Variants in PURG observed in about 807,000 individuals in gnomAD.
PURG encodes purine rich element binding protein G.
Under a neutral mutation model 24.3 loss-of-function variants are expected in PURG, and 3 were observed. That is an observed-to-expected ratio of 0.12 (90% CI 0.06 to 0.32). PURG has a LOEUF of 0.32. Ranked by LOEUF, PURG falls within the 10% of genes least tolerant of loss-of-function variation. The pLI is 1.00. For synonymous variants in PURG, 180 were observed against 173.1 expected, an observed-to-expected ratio of 1.04 and a Z score of -0.31; for missense variants, 371 against 439.1, an observed-to-expected ratio of 0.84 and a Z score of 1.39.
intron 1 of PURG, among the ~76,000 whole-genome samples, chr8:31,008,223 A>G (rs111669758): frequency 0.018 from 2,691 of 152,290 alleles, 81 homozygotes; most frequent in African/African-American, 0.06. Flanking sequence ...AAGAATTAAT[A>G]ATGATGTTAA....
chr8:31,012,973 A>T lies in PURG; in HGVS notation c.865-16276T>A, dbSNP rs187257370. Among the ~76,000 whole-genome samples, 590 of 152,350 alleles carry T rather than the reference A, an allele frequency of 3.9e-3. 3 individuals are homozygous for T. Among genetic ancestry groups the T allele is most frequent in the Middle Eastern group, 0.017 (5 of 294 alleles). On this transcript the variant is annotated intron_variant, in intron 1 of 1. Coordinates refer to the PURG transcript ENST00000339382. ...TTATAGTTATTTTGTGACAAATTTAATAAGTAATCATTTAGAATTGAGTTA... is the reference window on the plus strand; with the variant it reads ...TTATAGTTATTTTGTGACAAATTTATTAAGTAATCATTTAGAATTGAGTTA...
downstream of PURG, among the ~76,000 whole-genome samples, chr8:31,026,426 G>T (rs1412556598): frequency 6.6e-6 from 1 of 151,310 alleles, no homozygotes; most frequent in Non-Finnish European, 1.5e-5. Context: ...ACATATATTT[G>T]CACTTTAAGT....
intron 1 of PURG, among the ~76,000 whole-genome samples, chr8:31,013,166 T>A (rs1810795258): frequency 6.6e-6 from 1 of 152,190 alleles, no homozygotes; most frequent in African/African-American, 2.4e-5. Context: ...GGTATGTCAT[T>A]AAATATAATA....
chr8:31,022,104 G>A (rs559899455), intron 1 of PURG, among the ~76,000 whole-genome samples: 1 of 151,956 alleles, frequency 6.6e-6, no homozygotes, highest in South Asian at 2.1e-4. Context: ...CTGACTAGCT[G>A]GGATTACAGG....
chr8:31,009,852 T>A (rs1810731713), intron 1 of PURG, among the ~76,000 whole-genome samples: 1 of 152,162 alleles, frequency 6.6e-6, no homozygotes, highest in Middle Eastern at 3.2e-3. Flanking sequence ...GCTTCTAACT[T>A]ATCATGTGGT....
At chr8:31,030,760 T>C (rs1376305755), downstream of PURG, 1 of 151,928 alleles carries the variant, frequency 6.6e-6, no homozygotes, top group Non-Finnish European at 1.5e-5. Context: ...GCTACTAAAA[T>C]ATATTATTAC....
intron 1 of PURG, among the ~76,000 whole-genome samples, chr8:31,010,546 T>C (rs1334081421): frequency 2.0e-5 from 3 of 152,348 alleles, no homozygotes; most frequent in East Asian, 3.9e-4. Flanking sequence ...GCTATAAACA[T>C]ATATGCTTAA....
rs11574151 is a variant in PURG at position 31,032,061 on chromosome 8, T to G, written c.722A>C (p.Glu241Ala). Residue 241 changes from glutamate (E) to alanine (A), a missense_variant, in exon 2 of 2, where the codon GAA becomes GCA. This residue lies in a region of PURG where 5 missense variants were observed against 24.1 expected (regional missense o/e 0.21). Transcript: ENST00000523392. The surrounding 1 kb of genome is among the most constrained non-coding windows in gnomAD (Gnocchi z 5.9). ...EFRDALVQLI[E>A]DYGEGDIEER... The stretch of plus-strand genomic sequence containing the variant: ...TTCTATGTCTCCTTCGCCATAGTCT[T>G]CAATCAGCTGAACCAAGGCATCACG... 2.3e-3 allele frequency: 3,717 copies of G among 1,614,194 alleles called. 126 individuals carry two copies. The Admixed American group carries it at 0.053, about 23-fold the overall frequency.
At chr8:31,027,651 T>C (rs1245403161), downstream of PURG, among the ~76,000 whole-genome samples, 1 of 151,696 alleles carries the variant, frequency 6.6e-6, no homozygotes, top group Non-Finnish European at 1.5e-5. Flanking sequence ...CATGATTATA[T>C]TAAGGTAGGA....
chr8:31,031,221 A>G lies in PURG; in HGVS notation c.*518T>C, dbSNP rs562716817. 26 of 154,026 alleles carry G rather than the reference A, an allele frequency of 1.7e-4. No homozygotes were observed. The highest frequency in any genetic ancestry group is 6.8e-3 in the Middle Eastern group (2 of 294). 9.5% of individuals were successfully genotyped at this position (154,026 alleles called of 1,614,324 possible). A position where few individuals can be genotyped will look rare whatever the true frequency, so the allele number is the denominator to read the frequency against. On this transcript the variant is annotated 3_prime_UTR_variant, in exon 2 of 2. Coordinates refer to ENST00000523392, the MANE Select transcript of PURG (RefSeq NM_001323311.2). ...ATAAGATTTGATCCTTTGATGGTAT[A>G]TTCAGTTATTCAACGGACAATATAC...
chr8:30,999,405 T>G (rs74483914), intron 1 of PURG, among the ~76,000 whole-genome samples: 4,247 of 152,002 alleles, frequency 0.028, 105 homozygotes, highest in East Asian at 0.067. Context: ...TTTTAAATGG[T>G]TCTTAAATTA....
intron 1 of PURG, among the ~76,000 whole-genome samples, chr8:31,000,844 C>T (rs1194143285): frequency 6.6e-6 from 1 of 152,056 alleles, no homozygotes; most frequent in African/African-American, 2.4e-5. Context: ...AGAGAATTAA[C>T]AAACTTTAAA....
chr8:30,996,338 G>A (rs934116875), exon 2 of PURG: 1 of 281,082 alleles, frequency 3.6e-6, no homozygotes, highest in East Asian at 6.3e-5. Context: ...GCTGACAAAT[G>A]GTGGTTTGAA....
downstream of PURG, among the ~76,000 whole-genome samples, chr8:31,026,528 T>C (rs537862692): frequency 2.7e-4 from 41 of 150,938 alleles, no homozygotes; most frequent in African/African-American, 9.9e-4. Context: ...CTAGCTCAAG[T>C]ATGATATCTA....
Position 31,019,120 on chromosome 8 carries a change from T to A in PURG, c.864+12799A>T, listed in dbSNP as rs1474806706. Among the ~76,000 whole-genome samples the A allele has an allele frequency of 8.3e-5, 4 of 48,390 alleles. No individual in the cohort carries two copies. The East Asian group carries it at 2.0e-3, about 24-fold the overall frequency. The allele number at this position is 48,390 out of a possible 152,430, so 31.7% of individuals were successfully genotyped here. A position where few individuals can be genotyped will look rare whatever the true frequency, so the allele number is the denominator to read the frequency against. ...GCCTGGGTGACAGAGCGAGACTCTG[T>A]CTCAAAAAAAAAAAAAAAAAAAAAA... is the stretch of plus-strand genomic sequence containing the variant. On this transcript the variant is annotated intron_variant, in intron 1 of 1. Transcript: ENST00000339382.
At position 31,014,414 on chromosome 8, in the gene PURG, T is replaced by C. The variant is rs139227105; in HGVS notation, c.864+17505A>G. Among the ~76,000 whole-genome samples the C allele has an allele frequency of 3.3e-3, 505 of 152,312 alleles. 1 individual carries two copies. Among genetic ancestry groups the C allele is most frequent in the Middle Eastern group, 0.014 (4 of 294 alleles). ...TTTTATTGATTTCTTAAAAAAATTT[T>C]AATAACAGAGGAAGAGAAATGTTTC... On this transcript the variant is annotated intron_variant, in intron 1 of 1. Transcript: ENST00000339382.
At chr8:31,000,168 A>T (rs1810510378) in intron 1 of PURG, among the ~76,000 whole-genome samples, 1 of 152,134 alleles carries the variant, frequency 6.6e-6, no homozygotes, top group Admixed American at 6.6e-5. Context: ...ATGGGTTATT[A>T]ATTTTCATGC....
At chr8:31,022,265 C>T (rs1488244540) in intron 1 of PURG, among the ~76,000 whole-genome samples, 1 of 152,170 alleles carries the variant, frequency 6.6e-6, no homozygotes, top group Non-Finnish European at 1.5e-5. Flanking sequence ...GCCACCACAC[C>T]CAGCCTAAAT....
intron 1 of PURG, among the ~76,000 whole-genome samples, chr8:31,020,077 TG>T (rs918629583): frequency 6.6e-6 from 1 of 151,876 alleles, no homozygotes; most frequent in African/African-American, 2.4e-5. Flanking sequence ...AGGCTGAGGC[TG>T]GAGAATCGCT....
Sources: allele counts gnomAD v4.1 joint callset (sites outside exome capture counted in the v4.1 genomes callset), GRCh38; gene constraint gnomAD v4.1.1; regional missense constraint gnomAD v4.1.1; non-coding constraint Gnocchi (gnomAD v3.1); transcripts MANE v1.5; gene names NCBI Gene and HGNC (gene_info 2026-07-23, HGNC 2026-07-21).